The following ATAT1 variants were observed in gnomAD, a reference collection of about 807,000 sequenced individuals.
ATAT1 encodes the protein alpha-tubulin N-acetyltransferase 1.
A neutral mutation model predicts 57.2 loss-of-function variants in ATAT1; 42 were observed. That is an observed-to-expected ratio of 0.73 (90% CI 0.57 to 0.95). The LOEUF (loss-of-function observed/expected upper bound fraction) is 0.95, where lower values mean the gene tolerates loss of function less well. Among genes scored for constraint, ATAT1 ranks in the 40% least tolerant of loss-of-function variants. ATAT1 has a pLI of 0.00. For synonymous variants in ATAT1, 168 were observed against 187.1 expected, an observed-to-expected ratio of 0.90 and a Z score of 0.83; for missense variants, 454 against 523.7, an observed-to-expected ratio of 0.87 and a Z score of 1.30.
At position 30,643,401 on chromosome 6, in the gene ATAT1, C is replaced by A. The variant is rs116918452; in HGVS notation, c.932+390C>A. The A allele has an allele frequency of 3.0e-3, 4,411 of 1,484,076 alleles. 77 individuals carry two copies. The Admixed American group carries it at 0.035, about 12-fold the overall frequency. The allele number at this position is 1,484,076 out of a possible 1,614,324, so 91.9% of individuals were successfully genotyped here. A position where few individuals can be genotyped will look rare whatever the true frequency, so the allele number is the denominator to read the frequency against. On this transcript the variant is annotated intron_variant, in intron 10 of 12. Coordinates refer to ENST00000330083, the MANE Select transcript of ATAT1 (RefSeq NM_001031722.4). ...CTTGTGTGCCAAGAGTCCATCGCAG[C>A]AGGCAGGGAGTGGGCATTTCCTTTA...
In ATAT1 at chr6:30,646,739, A is replaced by T; in HGVS notation, c.*96A>T. 7.2e-7 allele frequency: 1 copy of T among 1,383,094 alleles called. No individual in the cohort carries two copies. Among genetic ancestry groups the T allele is most frequent in the Non-Finnish European group, 9.5e-7 (1 of 1,051,054 alleles). 85.7% of individuals were successfully genotyped at this position (1,383,094 alleles called of 1,614,324 possible). A position where few individuals can be genotyped will look rare whatever the true frequency, so the allele number is the denominator to read the frequency against. Reference sequence around the variant, plus strand: ...TCATAATAGATGGATACATTCATTCATTCATTCATTCAGCAGGCTTATCAG... The same window carrying T: ...TCATAATAGATGGATACATTCATTCTTTCATTCATTCAGCAGGCTTATCAG... On this transcript the variant is annotated 3_prime_UTR_variant, in exon 13 of 13. Coordinates refer to ENST00000330083, the MANE Select transcript of ATAT1 (RefSeq NM_001031722.4).
At chr6:30,642,007 A>C (rs1765552502) in intron 8 of ATAT1, 169 bp from the exon 9 acceptor site, 18 of 1,489,258 alleles carry the variant, frequency 1.2e-5, no homozygotes, top group Admixed American at 2.3e-5. Flanking sequence ...CATTCCCCTC[A>C]AATTCCCTTT....
intron 10 of ATAT1, chr6:30,643,481 C>A (rs1437754763): frequency 6.5e-7 from 1 of 1,549,740 alleles, no homozygotes; most frequent in East Asian, 2.4e-5. Flanking sequence ...CCCCCGCCCC[C>A]CGCCATTTCC....
At chr6:30,633,474 C>T (rs1031687827) in intron 6 of ATAT1, among the ~76,000 whole-genome samples, 54 of 152,176 alleles carry the variant, frequency 3.5e-4, no homozygotes, top group African/African-American at 1.3e-3. Flanking sequence ...TCTGAAAAGC[C>T]ATCTTTGCAT....
chr6:30,643,497 C>G, intron 10 of ATAT1: 1 of 1,550,564 alleles, frequency 6.4e-7, no homozygotes, highest in Non-Finnish European at 8.7e-7. Flanking sequence ...TTTCCCATCT[C>G]CCTTCCTCCC....
Position 30,645,868 on chromosome 6 carries a change from C to A in ATAT1, c.933-27C>A, listed in dbSNP as rs755214409. ...CCCATCTTTCATCCAGTAGCCTCCT[C>A]CCCATCATCTCCCATTTCTTCTACA... On this transcript the variant is annotated intron_variant, in intron 10 of 12. Coordinates refer to ENST00000330083, the MANE Select transcript of ATAT1 (RefSeq NM_001031722.4). 30 of 1,450,992 alleles carry A rather than the reference C, an allele frequency of 2.1e-5. No individual in the cohort carries two copies. In the South Asian group the frequency reaches 4.3e-4, roughly 21 times the overall value. 89.9% of individuals were successfully genotyped at this position (1,450,992 alleles called of 1,614,324 possible). A position where few individuals can be genotyped will look rare whatever the true frequency, so the allele number is the denominator to read the frequency against.
intron 9 of ATAT1, among the ~76,000 whole-genome samples, 190 bp from the exon 10 acceptor site, chr6:30,642,578 A>G (rs1765685979): frequency 6.6e-6 from 1 of 151,632 alleles, no homozygotes; most frequent in South Asian, 2.1e-4. Context: ...AGGAGGCGGA[A>G]GTTGCAGTGA....
At chr6:30,638,533 T>C (rs1489445752) in intron 6 of ATAT1, among the ~76,000 whole-genome samples, 1 of 151,206 alleles carries the variant, frequency 6.6e-6, no homozygotes, top group East Asian at 1.9e-4. Flanking sequence ...GCCTCCCAAA[T>C]TGTTGGGATT....
chr6:30,626,892 T>C lies in ATAT1; in HGVS notation c.-312T>C. 6.2e-7 allele frequency: 1 copy of C among 1,605,174 alleles called. No individual in the cohort carries two copies. The highest frequency in any genetic ancestry group is 8.5e-7 in the Non-Finnish European group (1 of 1,177,126). On this transcript the variant is annotated 5_prime_UTR_variant, in exon 1 of 13. Coordinates refer to ENST00000330083, the MANE Select transcript of ATAT1 (RefSeq NM_001031722.4). ...CGACCGCGCACAATGGGCCATGGAG[T>C]TCCCGTTCGATGTGGACGCGCTGTT...
rs1456034892 is a variant in ATAT1 at position 30,626,969 on chromosome 6, A to T, written c.-235A>T. On this transcript the variant is annotated 5_prime_UTR_variant, in exon 1 of 13. Transcript: ENST00000330083. ...AGCACCTGAGGCCCCCAGCCCGCCG[A>T]CCCGGAACCACAACGCCGGCCCGGT... 1 of 1,602,966 alleles carries T rather than the reference A, an allele frequency of 6.2e-7. No individual in the cohort carries two copies. Among genetic ancestry groups the T allele is most frequent in the Non-Finnish European group, 8.5e-7 (1 of 1,175,294 alleles).
At chr6:30,631,374 C>G (rs1035128471) in intron 6 of ATAT1, among the ~76,000 whole-genome samples, 2 of 151,956 alleles carry the variant, frequency 1.3e-5, no homozygotes, top group Non-Finnish European at 2.9e-5. Flanking sequence ...ACTCGGGAGG[C>G]TGAGGCAGGA....
intron 8 of ATAT1, 65 bp downstream of exon 8, chr6:30,640,668 G>A: frequency 6.3e-7 from 1 of 1,577,642 alleles, no homozygotes; most frequent in Non-Finnish European, 8.7e-7. Flanking sequence ...AGATGCCACG[G>A]GGTACAGTGC....
chr6:30,629,796 G>A (rs1465233875), intron 6 of ATAT1, among the ~76,000 whole-genome samples: 1 of 151,434 alleles, frequency 6.6e-6, no homozygotes, highest in Non-Finnish European at 1.5e-5. Flanking sequence ...TGCCCGCCTC[G>A]GCCTCCCAAA....
At chr6:30,628,300 T>A (rs1179298840) in intron 5 of ATAT1, 29 bp from the exon 6 acceptor site, 1 of 1,603,864 alleles carries the variant, frequency 6.2e-7, no homozygotes, top group East Asian at 2.2e-5. Context: ...CCATACTTCC[T>A]CCTACCCTGA....
chr6:30,644,419 C>G, intron 10 of ATAT1: 1 of 985,896 alleles, frequency 1.0e-6, no homozygotes. Flanking sequence ...TGTCCTTCCT[C>G]TCTCCTTTCC....
chr6:30,626,951 G>A lies in ATAT1; in HGVS notation c.-253G>A. 3 of 1,607,856 alleles carry A rather than the reference G, an allele frequency of 1.9e-6. No homozygotes were observed. Among genetic ancestry groups the A allele is most frequent in the Non-Finnish European group, 2.5e-6 (3 of 1,177,822 alleles). On this transcript the variant is annotated 5_prime_UTR_variant, in exon 1 of 13. Coordinates refer to ENST00000330083, the MANE Select transcript of ATAT1 (RefSeq NM_001031722.4). ...GGATCACGGTGCTGGACCAGCACCT[G>A]AGGCCCCCAGCCCGCCGACCCGGAA...
intron 10 of ATAT1, among the ~76,000 whole-genome samples, chr6:30,645,171 T>C (rs956620772): frequency 6.6e-6 from 1 of 152,012 alleles, no homozygotes; most frequent in African/African-American, 2.4e-5. Context: ...TCCTCCTAAA[T>C]TCAAAATTCA....
chr6:30,633,446 G>A (rs1460858400), intron 6 of ATAT1, among the ~76,000 whole-genome samples: 1 of 152,152 alleles, frequency 6.6e-6, no homozygotes, highest in Admixed American at 6.6e-5. Flanking sequence ...TAAGAAGTGA[G>A]GACCCCCAAC....
intron 1 of ATAT1, 154 bp from the exon 2 acceptor site, chr6:30,627,306 G>T: frequency 6.2e-7 from 1 of 1,613,488 alleles, no homozygotes; most frequent in South Asian, 1.1e-5. Context: ...CAGAAGGGTG[G>T]GGTGGGAAAT....
Sources: gnomAD v4.1 joint callset for allele counts (sites outside exome capture counted in the v4.1 genomes callset) on GRCh38, gnomAD v4.1.1 for gene constraint, MANE v1.5 for transcripts, NCBI Gene and HGNC (gene_info 2026-07-23, HGNC 2026-07-21) for gene names.